ARRDC3: variants seen among roughly 807,000 people sequenced by gnomAD.
ARRDC3 encodes arrestin domain containing 3.
ARRDC3 carries 10 observed loss-of-function variants against 47.2 expected under a neutral mutation model. The ratio of observed to expected loss-of-function variants is 0.21; its 90% CI spans 0.13 to 0.36. The LOEUF (loss-of-function observed/expected upper bound fraction) is 0.36, where lower values mean the gene tolerates loss of function less well. ARRDC3 is among the 10% of genes least tolerant of loss of function. The pLI, the probability that ARRDC3 is intolerant of heterozygous loss-of-function variation, is 1.00. For missense variants in ARRDC3, 381 were observed against 503.6 expected (o/e 0.76, Z 2.33); for synonymous variants, 156 against 178.3 (o/e 0.87, Z 1.00).
intron 1 of ARRDC3, among the ~76,000 whole-genome samples, chr5:91,379,386 A>G (rs1799385718): frequency 6.6e-6 from 1 of 151,534 alleles, no homozygotes; most frequent in Non-Finnish European, 1.5e-5. Flanking sequence ...TTATTTATTG[A>G]TCTAAAATGA....
chr5:91,373,461 G>A (rs1010817582), intron 7 of ARRDC3, among the ~76,000 whole-genome samples: 1 of 152,154 alleles, frequency 6.6e-6, no homozygotes, highest in Non-Finnish European at 1.5e-5. Context: ...TTCAACATGA[G>A]GTTAGATCAT....
chr5:91,376,997 G>A (rs952993823), intron 2 of ARRDC3, among the ~76,000 whole-genome samples: 4 of 152,120 alleles, frequency 2.6e-5, no homozygotes, highest in South Asian at 2.1e-4. Context: ...AAAGCCAGAA[G>A]AATACAATCC....
chr5:91,374,120 G>T lies in ARRDC3; in HGVS notation c.1027C>A (p.Pro343Thr). ...NWLSLSLPER[P>T]EAPPSYAEVV... Reference sequence around the variant, plus strand: ...ACGTGTATTATCAAATTACCTTCAGGTCTTTCAGGAAGTGATAAACTGAGC... The same window carrying T: ...ACGTGTATTATCAAATTACCTTCAGTTCTTTCAGGAAGTGATAAACTGAGC... The change falls in exon 6 of 8, where the codon CCT (proline) becomes ACT (threonine). Residue 343 changes from proline (P) to threonine (T), a missense_variant. By Grantham distance (38) the Pro-to-Thr change is conservative (BLOSUM62 -1). Coordinates refer to ENST00000265138, the MANE Select transcript of ARRDC3 (RefSeq NM_020801.4). The T allele has an allele frequency of 6.2e-7, 1 of 1,611,730 alleles. No homozygotes were observed. Among genetic ancestry groups the T allele is most frequent in the Non-Finnish European group, 8.5e-7 (1 of 1,179,290 alleles).
intron 4 of ARRDC3, 165 bp from the exon 5 acceptor site, chr5:91,375,343 GA>G: frequency 2.2e-6 from 2 of 925,904 alleles, no homozygotes; most frequent in Non-Finnish European, 3.2e-6. Flanking sequence ...GTAGCTATTT[GA>G]AAAAGGAAAC....
chr5:91,373,864 C>T (rs761197633), intron 6 of ARRDC3, 26 bp from the exon 7 acceptor site: 14 of 1,612,782 alleles, frequency 8.7e-6, no homozygotes, highest in South Asian at 1.1e-5. Flanking sequence ...ACACGCAATT[C>T]GAACAGCATG....
intron 2 of ARRDC3, 58 bp downstream of exon 2, chr5:91,378,636 T>C: frequency 1.0e-6 from 1 of 997,506 alleles, no homozygotes; most frequent in African/African-American, 1.7e-5. Context: ...TACTTAATTT[T>C]AAAATAATGC....
chr5:91,383,275 T>C lies in ARRDC3; in HGVS notation c.-183A>G, dbSNP rs1049835805. The C allele has an allele frequency of 2.4e-5, 14 of 588,280 alleles. No homozygotes were observed. Among genetic ancestry groups the C allele is most frequent in the Non-Finnish European group, 3.7e-5 (13 of 350,678 alleles). 36.4% of individuals were successfully genotyped at this position (588,280 alleles called of 1,614,324 possible). On this transcript the variant is annotated 5_prime_UTR_variant, in exon 1 of 8. Coordinates refer to ENST00000265138, the MANE Select transcript of ARRDC3 (RefSeq NM_020801.4). ...AAAAAGTCAGGGCAGCAGAGGCTGCTGCTCCGCGCTCCCGCTCGTCTCAGT... is the reference window on the plus strand; with the variant it reads ...AAAAAGTCAGGGCAGCAGAGGCTGCCGCTCCGCGCTCCCGCTCGTCTCAGT...
Position 91,373,844 on chromosome 5 carries a change from G to A in ARRDC3, c.1034-6C>T, listed in dbSNP as rs1252904575. The A allele has an allele frequency of 6.2e-7, 1 of 1,613,752 alleles. No individual in the cohort carries two copies. On this transcript the variant is annotated splice_region_variant and splice_polypyrimidine_tract_variant and intron_variant, in intron 6 of 7. Coordinates refer to ENST00000265138, the MANE Select transcript of ARRDC3 (RefSeq NM_020801.4). ...TTCTGCATAGCTGGGTGGTGCTGAAGGAAAAAGATACACGCAATTCGAACA... is the reference window on the plus strand; with the variant it reads ...TTCTGCATAGCTGGGTGGTGCTGAAAGAAAAAGATACACGCAATTCGAACA...
At chr5:91,374,773 C>A (rs1291533213) in intron 5 of ARRDC3, 149 bp downstream of exon 5, 3 of 780,588 alleles carry the variant, frequency 3.8e-6, no homozygotes, top group Admixed American at 2.9e-5. Context: ...GTAGTCCCAA[C>A]TACTTGGGAG....
chr5:91,370,504 A>T lies in ARRDC3; in HGVS notation c.*896T>A, dbSNP rs1343192229. ...CAAATAAACAAACAAACAAACGAAA[A>T]AAACAGTGCAACAAAACACAAATAG... On this transcript the variant is annotated 3_prime_UTR_variant, in exon 8 of 8. Transcript: ENST00000265138. 1 of 152,604 alleles carries T rather than the reference A, an allele frequency of 6.6e-6. No individual in the cohort carries two copies. Among genetic ancestry groups the T allele is most frequent in the Non-Finnish European group, 1.5e-5 (1 of 68,032 alleles). The allele number at this position is 152,604 out of a possible 1,614,324, so 9.5% of individuals were successfully genotyped here. A position where few individuals can be genotyped will look rare whatever the true frequency, so the allele number is the denominator to read the frequency against.
chr5:91,373,457 A>G (rs1376339360), intron 7 of ARRDC3, among the ~76,000 whole-genome samples: 1 of 152,234 alleles, frequency 6.6e-6, no homozygotes, highest in Non-Finnish European at 1.5e-5. Flanking sequence ...GTAATTCAAC[A>G]TGAGGTTAGA....
chr5:91,379,432 C>T (rs1272754151), intron 1 of ARRDC3, among the ~76,000 whole-genome samples: 1 of 151,258 alleles, frequency 6.6e-6, no homozygotes, highest in African/African-American at 2.4e-5. Context: ...ACGACTAAAA[C>T]TTGCATAAAC....
Position 91,383,283 on chromosome 5 carries a change from G to T in ARRDC3, c.-191C>A. 1.8e-6 allele frequency: 1 copy of T among 559,566 alleles called. No homozygotes were observed. Among genetic ancestry groups the T allele is most frequent in the Non-Finnish European group, 3.0e-6 (1 of 328,466 alleles). The allele number at this position is 559,566 out of a possible 1,614,324, so 34.7% of individuals were successfully genotyped here. A position where few individuals can be genotyped will look rare whatever the true frequency, so the allele number is the denominator to read the frequency against. On this transcript the variant is annotated 5_prime_UTR_variant, in exon 1 of 8. Transcript: ENST00000265138. ...AGGGCAGCAGAGGCTGCTGCTCCGC[G>T]CTCCCGCTCGTCTCAGTGGTCTCCT...
At chr5:91,377,175 G>T (rs1799323384) in intron 2 of ARRDC3, among the ~76,000 whole-genome samples, 1 of 152,146 alleles carries the variant, frequency 6.6e-6, no homozygotes, top group Non-Finnish European at 1.5e-5. Flanking sequence ...ATTCCCTATA[G>T]TACTCCACTT....
At chr5:91,377,389 C>T (rs1285807226) in intron 2 of ARRDC3, among the ~76,000 whole-genome samples, 1 of 152,054 alleles carries the variant, frequency 6.6e-6, no homozygotes, top group East Asian at 1.9e-4. Context: ...ATATAGTCCT[C>T]TTGATCTATG....
Position 91,374,972 on chromosome 5 carries a change from A to G in ARRDC3, c.820T>C (p.Ser274Pro). 1 of 1,614,196 alleles carries G rather than the reference A, an allele frequency of 6.2e-7. No homozygotes were observed. The highest frequency in any genetic ancestry group is 2.2e-5 in the East Asian group (1 of 44,890). Residue 274 changes from serine (S) to proline (P), a missense_variant, in exon 5 of 8, where the codon TCT becomes CCT. By Grantham distance (74) the Ser-to-Pro change is moderately conservative (BLOSUM62 -1). Coordinates refer to ENST00000265138, the MANE Select transcript of ARRDC3 (RefSeq NM_020801.4). ...NGKLLKIPPVSPSILDCSIIR... is the reference protein window; with the variant it reads ...NGKLLKIPPVPPSILDCSIIR... ...ATACTACAGTCGAGGATAGAGGGAG[A>G]AACTGGTGGAATTTTCAGCAACTTG... is the stretch of plus-strand genomic sequence containing the variant.
At chr5:91,377,454 GTTTTA>G (rs1251801185) in intron 2 of ARRDC3, among the ~76,000 whole-genome samples, 1 of 151,848 alleles carries the variant, frequency 6.6e-6, no homozygotes, top group African/African-American at 2.4e-5. Flanking sequence ...CTTGTGGAAG[GTTTTA>G]TTTTAGCAAG....
Position 91,374,763 on chromosome 5 carries a change from G to A in ARRDC3, c.870+159C>T, listed in dbSNP as rs1421291600. Among the ~76,000 whole-genome samples the A allele has an allele frequency of 2.0e-5, 3 of 152,160 alleles. No individual in the cohort carries two copies. In the East Asian group the frequency reaches 5.8e-4, roughly 29 times the overall value. ...TCCAGGCATGGCTATAGGCACACCT[G>A]TAGTCCCAACTACTTGGGAGCTGAG... is the stretch of plus-strand genomic sequence containing the variant. On this transcript the variant is annotated intron_variant, in intron 5 of 7. Coordinates refer to ENST00000265138, the MANE Select transcript of ARRDC3 (RefSeq NM_020801.4).
intron 3 of ARRDC3, 21 bp downstream of exon 3, chr5:91,376,600 A>G: frequency 6.3e-7 from 1 of 1,579,424 alleles, no homozygotes. Context: ...ACAAAGAATA[A>G]ATAATTCAGT....
Sources: gnomAD v4.1 joint callset for allele counts (sites outside exome capture counted in the v4.1 genomes callset) on GRCh38, gnomAD v4.1.1 for gene constraint, MANE v1.5 for transcripts, NCBI Gene and HGNC (gene_info 2026-07-23, HGNC 2026-07-21) for gene names.